SPATS1: variants seen among roughly 807,000 people sequenced by gnomAD.
The protein encoded by SPATS1 is spermatogenesis associated serine rich 1, also known as spermatogenesis-associated serine-rich protein 1.
SPATS1 carries 23 observed loss-of-function variants against 33.6 expected under a neutral mutation model. The ratio of observed to expected loss-of-function variants is 0.68; its 90% CI spans 0.49 to 0.97. The LOEUF (loss-of-function observed/expected upper bound fraction) is 0.97. Ranked by LOEUF, SPATS1 falls within the 50% of genes least tolerant of loss-of-function variation. The pLI, the probability that SPATS1 is intolerant of heterozygous loss-of-function variation, is 0.00. For synonymous variants in SPATS1, 131 were observed against 125.6 expected (o/e 1.04, Z -0.29); for missense variants, 327 against 361.0 (o/e 0.91, Z 0.76).
chr6:44,361,480 A>G (rs1245635422), intron 4 of SPATS1: 1 of 985,232 alleles, frequency 1.0e-6, no homozygotes, highest in East Asian at 1.1e-4. Flanking sequence ...TTTTTCCTAC[A>G]CCGTTATCAG....
Position 44,376,212 on chromosome 6 carries a change from G to A in SPATS1, c.759-146G>A, listed in dbSNP as rs767793683. The stretch of plus-strand genomic sequence containing the variant: ...AAGAGGGTTTGAGGCAGGAGCAAAC[G>A]GTGAACAACTAACATATTTTATTTT... On this transcript the variant is annotated intron_variant, in intron 7 of 8. Coordinates refer to ENST00000674044, the MANE Select transcript of SPATS1 (RefSeq NM_001372081.1). 182 of 581,358 alleles carry A rather than the reference G, an allele frequency of 3.1e-4. 1 individual carries two copies. The East Asian group carries it at 5.2e-3, about 17-fold the overall frequency. 36.0% of individuals were successfully genotyped at this position (581,358 alleles called of 1,614,324 possible).
intron 6 of SPATS1, among the ~76,000 whole-genome samples, chr6:44,369,413 G>C (rs559363102): frequency 1.3e-5 from 2 of 151,970 alleles, no homozygotes; most frequent in South Asian, 4.2e-4. Context: ...AGCTGGGCAC[G>C]GTGGCAGATG....
Position 44,352,787 on chromosome 6 carries a change from C to T in SPATS1, c.201C>T (p.Gly67=). The T allele has an allele frequency of 6.2e-7, 1 of 1,614,152 alleles. No individual in the cohort carries two copies. The highest frequency in any genetic ancestry group is 1.7e-5 in the Admixed American group (1 of 60,026). The change falls in exon 3 of 9, where the codon GGC becomes GGT. Residue 67 remains glycine (G), a synonymous_variant. Coordinates refer to ENST00000674044, the MANE Select transcript of SPATS1 (RefSeq NM_001372081.1). ...GTTTTGCCAACACAACACCCTCTGG[C>T]AAAAGTGTCAGTTCCTCATCTTCTG... ...KGCFANTTPS[G]KSVSSSSSVE...
chr6:44,377,162 C>T lies in SPATS1; in HGVS notation c.*99C>T. The T allele has an allele frequency of 6.9e-7, 1 of 1,439,164 alleles. No homozygotes were observed. The allele number at this position is 1,439,164 out of a possible 1,614,324, so 89.1% of individuals were successfully genotyped here. On this transcript the variant is annotated 3_prime_UTR_variant, in exon 9 of 9. Coordinates refer to ENST00000674044, the MANE Select transcript of SPATS1 (RefSeq NM_001372081.1). Reference sequence around the variant, plus strand: ...TGACTGTTCTAAATCCAGTGTTTGACCCTTATGAGGAAGTGTTGTGCTTTG... The same window carrying T: ...TGACTGTTCTAAATCCAGTGTTTGATCCTTATGAGGAAGTGTTGTGCTTTG...
At chr6:44,358,613 T>C (rs1788729170) in intron 3 of SPATS1, among the ~76,000 whole-genome samples, 1 of 152,222 alleles carries the variant, frequency 6.6e-6, no homozygotes, top group Admixed American at 6.5e-5. Context: ...CGATGGTTTT[T>C]AGTGTATTCA....
intron 7 of SPATS1, among the ~76,000 whole-genome samples, chr6:44,372,615 C>G (rs1278546351): frequency 1.3e-5 from 2 of 152,072 alleles, no homozygotes; most frequent in Non-Finnish European, 2.9e-5. Context: ...GCACGTGCCA[C>G]CACACCCAGC....
chr6:44,356,593 A>G (rs1788603474), intron 3 of SPATS1, among the ~76,000 whole-genome samples: 1 of 152,090 alleles, frequency 6.6e-6, no homozygotes, highest in Non-Finnish European at 1.5e-5. Context: ...GCTCACTCAT[A>G]TGGTTGATAG....
intron 2 of SPATS1, among the ~76,000 whole-genome samples, chr6:44,344,354 C>T (rs1205267525): frequency 6.6e-6 from 1 of 151,040 alleles, no homozygotes; most frequent in East Asian, 1.9e-4. Flanking sequence ...CTATGGATTT[C>T]AGCAAGGAAG....
chr6:44,349,288 C>CAAAA (rs35407623), intron 2 of SPATS1, among the ~76,000 whole-genome samples: 215 of 72,020 alleles, frequency 3.0e-3, no homozygotes, highest in East Asian at 4.7e-3. Context: ...GACTCTGGCT[C>CAAAA]AAAAAAAAAA....
chr6:44,342,861 G>T, intron 1 of SPATS1, 93 bp downstream of exon 1: 1 of 1,295,102 alleles, frequency 7.7e-7, no homozygotes, highest in South Asian at 1.3e-5. Context: ...CCTTGAGCTG[G>T]ATGGGGGCTG....
intron 3 of SPATS1, among the ~76,000 whole-genome samples, chr6:44,357,984 T>C (rs1038648029): frequency 1.3e-5 from 2 of 152,198 alleles, no homozygotes; most frequent in African/African-American, 2.4e-5. Flanking sequence ...TCATCTGCAA[T>C]TGGCAGAAAG....
At chr6:44,352,905 G>C in intron 3 of SPATS1, 32 bp downstream of exon 3, 3 of 1,605,098 alleles carry the variant, frequency 1.9e-6, no homozygotes, top group Non-Finnish European at 2.6e-6. Context: ...AGCTGTCACG[G>C]TTGGGGAGAT....
intron 8 of SPATS1, 132 bp from the exon 9 acceptor site, chr6:44,376,902 TG>T: frequency 2.1e-6 from 2 of 933,142 alleles, no homozygotes; most frequent in Non-Finnish European, 3.5e-6. Context: ...TCTCCTGGAG[TG>T]GATGTGTCTT....
intron 2 of SPATS1, among the ~76,000 whole-genome samples, chr6:44,351,115 T>G (rs1788205794): frequency 9.5e-6 from 1 of 105,544 alleles, no homozygotes; most frequent in South Asian, 3.6e-4. Context: ...AGAGTGAGAC[T>G]CTGTGTCAAA....
intron 2 of SPATS1, among the ~76,000 whole-genome samples, chr6:44,349,143 A>G (rs1788083633): frequency 6.6e-6 from 1 of 151,820 alleles, no homozygotes; most frequent in African/African-American, 2.4e-5. Flanking sequence ...AGAAATGAAT[A>G]AATAAATAAG....
intron 4 of SPATS1, 149 bp from the exon 5 acceptor site, chr6:44,361,682 C>T: frequency 8.3e-7 from 1 of 1,202,114 alleles, no homozygotes; most frequent in East Asian, 2.4e-5. Context: ...GAGTTTCACA[C>T]TGTCTCTGAT....
chr6:44,372,493 T>G (rs1583096228), intron 7 of SPATS1, among the ~76,000 whole-genome samples: 1 of 152,010 alleles, frequency 6.6e-6, no homozygotes, highest in Admixed American at 6.6e-5. Flanking sequence ...AGATGGAGTC[T>G]CACTTTGTCA....
chr6:44,344,390 CGTGTGTGTGTGTGT>C (rs70993448), intron 2 of SPATS1, among the ~76,000 whole-genome samples: 8 of 145,498 alleles, frequency 5.5e-5, no homozygotes, highest in Middle Eastern at 3.3e-3. Flanking sequence ...ATTGAAGATA[CGTGTGTGTGTGTGT>C]GTGTGTGTGT....
intron 5 of SPATS1, 67 bp downstream of exon 5, chr6:44,362,059 C>A: frequency 1.3e-6 from 2 of 1,590,604 alleles, no homozygotes; most frequent in Non-Finnish European, 1.7e-6. Flanking sequence ...ATTCTATAGG[C>A]CCTGCATTCT....
Sources: allele counts gnomAD v4.1 joint callset (sites outside exome capture counted in the v4.1 genomes callset), GRCh38; gene constraint gnomAD v4.1.1; transcripts MANE v1.5; gene names NCBI Gene and HGNC (gene_info 2026-07-23, HGNC 2026-07-21).